PKIB: variants seen among roughly 807,000 people sequenced by gnomAD.
PKIB encodes cAMP-dependent protein kinase inhibitor beta.
A neutral mutation model predicts 4.5 loss-of-function variants in PKIB; 2 were observed. The observed-to-expected ratio is 0.44, with a 90% confidence interval of 0.18 to 1.39. The LOEUF is 1.39. Ranked by LOEUF, PKIB falls within the 40% of genes most tolerant of loss-of-function variation. PKIB has a pLI of 0.27. For missense variants in PKIB, 94 were observed against 92.6 expected (o/e 1.02, Z -0.06); for synonymous variants, 38 against 36.0 (o/e 1.06, Z -0.20).
chr6:122,479,654 C>T (rs1775549072), intron 2 of PKIB: 1 of 152,198 alleles, frequency 6.6e-6, no homozygotes, highest in South Asian at 2.1e-4. Context: ...TGTGATCTCT[C>T]TTTGCCCTCT....
chr6:122,642,665 C>T (rs1776166334), intron 2 of PKIB, among the ~76,000 whole-genome samples: 1 of 152,158 alleles, frequency 6.6e-6, no homozygotes. Context: ...TAGTGACTGT[C>T]AGCTTAGTTT....
intron 3 of PKIB, among the ~76,000 whole-genome samples, chr6:122,597,008 A>G (rs1290171267): frequency 6.6e-6 from 1 of 152,208 alleles, no homozygotes; most frequent in African/African-American, 2.4e-5. Context: ...GGGAGGGGCC[A>G]AATGCAGCAA....
In PKIB at chr6:122,717,773, C is replaced by T; in HGVS notation, c.-8-14C>T. 6.2e-7 allele frequency: 1 copy of T among 1,612,496 alleles called. No individual in the cohort carries two copies. Among genetic ancestry groups the T allele is most frequent in the Non-Finnish European group, 8.5e-7 (1 of 1,178,802 alleles). On this transcript the variant is annotated splice_polypyrimidine_tract_variant and intron_variant, in intron 3 of 4. Transcript: ENST00000368452. ...AATAGGCTCATCTTCTTCATATGCA[C>T]ATTCTATTTGTAGATGTTGCTATGA...
intron 2 of PKIB, chr6:122,479,711 C>G (rs1229796314): frequency 1.3e-5 from 2 of 152,186 alleles, no homozygotes; most frequent in Non-Finnish European, 2.9e-5. Flanking sequence ...ATATCAGGCA[C>G]TCCCCAAACC....
intron 1 of PKIB, among the ~76,000 whole-genome samples, chr6:122,612,411 A>G (rs779837821): frequency 6.6e-6 from 1 of 152,188 alleles, no homozygotes; most frequent in African/African-American, 2.4e-5. Flanking sequence ...TGGTTTTAGA[A>G]CAGTTTACTC....
rs1324458513 is a variant in PKIB at position 122,725,565 on chromosome 6, T to C, written c.*370T>C. 6.0e-6 allele frequency: 1 copy of C among 166,556 alleles called. No individual in the cohort carries two copies. The highest frequency in any genetic ancestry group is 2.4e-5 in the African/African-American group (1 of 42,060). 10.3% of individuals were successfully genotyped at this position (166,556 alleles called of 1,614,324 possible). ...ATGGGCAAATCATTCTTGGTAAATG[T>C]AAATCAAACATGATTGATTTAAAAC... On this transcript the variant is annotated 3_prime_UTR_variant, in exon 5 of 5. Transcript: ENST00000368452.
Position 122,617,462 on chromosome 6 carries a change from A to G in PKIB, c.-161+6927A>G, listed in dbSNP as rs551320173. ...AGTTTGTTTCAACTCTGAGAAATTCATATTTTGGGTTCTAGGTTTGAATGC... is the reference window on the plus strand; with the variant it reads ...AGTTTGTTTCAACTCTGAGAAATTCGTATTTTGGGTTCTAGGTTTGAATGC... On this transcript the variant is annotated intron_variant, in intron 1 of 4. Transcript: ENST00000368452. 7.9e-5 allele frequency among the ~76,000 whole-genome samples: 12 copies of G among 152,292 alleles called. No homozygotes were observed. In the South Asian group the frequency reaches 2.3e-3, roughly 29 times the overall value.
chr6:122,521,595 G>A (rs1448189480), intron 2 of PKIB, among the ~76,000 whole-genome samples: 2 of 152,066 alleles, frequency 1.3e-5, no homozygotes, highest in African/African-American at 2.4e-5. Flanking sequence ...CAGGAGAATG[G>A]CATGAACACA....
At chr6:122,516,152 A>C (rs745710682) in intron 2 of PKIB, among the ~76,000 whole-genome samples, 1 of 152,218 alleles carries the variant, frequency 6.6e-6, no homozygotes, top group Non-Finnish European at 1.5e-5. Context: ...AATCTCAAAG[A>C]GCACACACGT....
chr6:122,648,819 T>C (rs769568830), intron 2 of PKIB, among the ~76,000 whole-genome samples: 1 of 152,184 alleles, frequency 6.6e-6, no homozygotes, highest in Non-Finnish European at 1.5e-5. Flanking sequence ...TGATACCATA[T>C]TGGGGACTCA....
At chr6:122,650,936 A>G (rs2114877995) in intron 2 of PKIB, among the ~76,000 whole-genome samples, 1 of 152,314 alleles carries the variant, frequency 6.6e-6, no homozygotes, top group South Asian at 2.1e-4. Context: ...TCCATGTTTC[A>G]GCCAACGAAC....
chr6:122,627,038 T>C (rs1209771827), intron 1 of PKIB, among the ~76,000 whole-genome samples: 3 of 135,812 alleles, frequency 2.2e-5, no homozygotes, highest in African/African-American at 8.5e-5. Flanking sequence ...ATTGAGACCA[T>C]CCTGGTTAAC....
At chr6:122,614,367 G>A (rs924680950) in intron 1 of PKIB, among the ~76,000 whole-genome samples, 1 of 152,162 alleles carries the variant, frequency 6.6e-6, no homozygotes, top group African/African-American at 2.4e-5. Flanking sequence ...TGAAGAAGCA[G>A]CAACAGAAGC....
chr6:122,648,509 A>G (rs918994194), intron 2 of PKIB, among the ~76,000 whole-genome samples: 2 of 152,204 alleles, frequency 1.3e-5, no homozygotes, highest in Non-Finnish European at 2.9e-5. Context: ...CTATTATGCC[A>G]TCTAACTCAG....
At chr6:122,543,167 G>A (rs759898123) in intron 2 of PKIB, among the ~76,000 whole-genome samples, 9 of 152,088 alleles carry the variant, frequency 5.9e-5, no homozygotes, top group African/African-American at 1.4e-4. Flanking sequence ...TGCGCGTCCC[G>A]AGTGAGGCAA....
At chr6:122,633,979 T>TATCC (rs1412243794) in intron 2 of PKIB, among the ~76,000 whole-genome samples, 3 of 148,384 alleles carry the variant, frequency 2.0e-5, no homozygotes, top group Admixed American at 1.4e-4. Flanking sequence ...TCTATCCATC[T>TATCC]ATCTATGACA....
chr6:122,568,345 T>C (rs145731735), intron 2 of PKIB, among the ~76,000 whole-genome samples: 3 of 152,244 alleles, frequency 2.0e-5, no homozygotes, highest in South Asian at 4.1e-4. Flanking sequence ...GCCTTTGAAA[T>C]AAGTGACAGG....
At chr6:122,519,615 T>TTA (rs1472173268) in intron 2 of PKIB, among the ~76,000 whole-genome samples, 3 of 152,190 alleles carry the variant, frequency 2.0e-5, no homozygotes, top group African/African-American at 7.2e-5. Context: ...GAATGATGGG[T>TTA]TAAAACATAG....
intron 4 of PKIB, among the ~76,000 whole-genome samples, chr6:122,719,826 T>A (rs1779661953): frequency 6.6e-6 from 1 of 152,004 alleles, no homozygotes; most frequent in Non-Finnish European, 1.5e-5. Flanking sequence ...CCACAATGTA[T>A]GCATGTATCA....
Sources: allele counts gnomAD v4.1 joint callset (sites outside exome capture counted in the v4.1 genomes callset), GRCh38; gene constraint gnomAD v4.1.1; transcripts MANE v1.5; gene names NCBI Gene and HGNC (gene_info 2026-07-23, HGNC 2026-07-21).